RYR2: variants seen among roughly 807,000 people sequenced by gnomAD.
RYR2 encodes the protein ryanodine receptor 2, also known as cardiac muscle ryanodine receptor-calcium release channel.
Under a neutral mutation model 601.1 loss-of-function variants are expected in RYR2, and 227 were observed. The ratio of observed to expected loss-of-function variants is 0.38; its 90% confidence interval spans 0.34 to 0.42. The LOEUF is 0.42. RYR2 is among the 10% of genes least tolerant of loss of function. The probability of loss-of-function intolerance (pLI) is 1.00; values close to 1 mark genes in which losing one functional copy is unlikely to be tolerated. For missense variants in RYR2, 4,646 were observed against 6,156.5 expected (o/e 0.75, Z 8.21); for synonymous variants, 2,223 against 2,175.1 (o/e 1.02, Z -0.61).
intron 17 of RYR2, among the ~76,000 whole-genome samples, chr1:237,472,879 A>G (rs10754604): frequency 0.46 from 70,068 of 151,912 alleles, 17,982 homozygotes; most frequent in East Asian, 0.71. Flanking sequence ...TCTCTAGGAC[A>G]GGGAATTGCT....
chr1:237,745,862 A>G (rs1393580017), intron 80 of RYR2, among the ~76,000 whole-genome samples: 1 of 152,064 alleles, frequency 6.6e-6, no homozygotes, highest in Non-Finnish European at 1.5e-5. Context: ...CCACACATTT[A>G]TAGGTGTAAT....
chr1:237,571,145 C>T (rs12040785), intron 29 of RYR2, among the ~76,000 whole-genome samples: 2 of 152,038 alleles, frequency 1.3e-5, no homozygotes, highest in East Asian at 3.9e-4. Flanking sequence ...TAATAATAAC[C>T]TTATTTCAAA....
intron 35 of RYR2, among the ~76,000 whole-genome samples, chr1:237,609,304 C>CT (rs1045321628): frequency 6.8e-6 from 1 of 146,846 alleles, no homozygotes; most frequent in Non-Finnish European, 1.5e-5. Context: ...CTCTCTCTCT[C>CT]TTTTTTTCTT....
chr1:237,429,357 A>C (rs534851566), intron 12 of RYR2, among the ~76,000 whole-genome samples: 2 of 152,262 alleles, frequency 1.3e-5, no homozygotes, highest in African/African-American at 4.8e-5. Context: ...CTCTGCACCA[A>C]AACAACTGGC....
At chr1:237,382,382 TA>T (rs1487753149) in intron 8 of RYR2, among the ~76,000 whole-genome samples, 16 of 152,234 alleles carry the variant, frequency 1.1e-4, no homozygotes, top group African/African-American at 3.6e-4. Context: ...TTTTTATTGT[TA>T]TTTTTTATTA....
At chr1:237,712,898 C>A (rs1688960900) in intron 71 of RYR2, among the ~76,000 whole-genome samples, 1 of 152,100 alleles carries the variant, frequency 6.6e-6, no homozygotes, top group African/African-American at 2.4e-5. Context: ...GGCCAAAGAT[C>A]CAAAAATGAC....
intron 1 of RYR2, among the ~76,000 whole-genome samples, chr1:237,126,712 T>C (rs1332180705): frequency 1.3e-5 from 2 of 152,196 alleles, no homozygotes; most frequent in African/African-American, 2.4e-5. Flanking sequence ...GTCAGCTCCT[T>C]GAAGGATCTG....
intron 89 of RYR2, among the ~76,000 whole-genome samples, chr1:237,782,082 C>A (rs1212482113): frequency 6.6e-6 from 1 of 152,022 alleles, no homozygotes; most frequent in Non-Finnish European, 1.5e-5. Context: ...AAGCCTCTGT[C>A]CCCCAGGGCA....
At chr1:237,562,871 C>A (rs567281605) in intron 27 of RYR2, among the ~76,000 whole-genome samples, 71 of 152,134 alleles carry the variant, frequency 4.7e-4, no homozygotes, top group African/African-American at 1.7e-3. Context: ...ATATCCGGAG[C>A]CCGGAAGAGT....
At chr1:237,199,503 T>C (rs1680945782) in intron 1 of RYR2, among the ~76,000 whole-genome samples, 4 of 152,220 alleles carry the variant, frequency 2.6e-5, no homozygotes, top group Admixed American at 2.6e-4. Flanking sequence ...GTCTTGTCTT[T>C]CAGCCTTTTT....
At chr1:237,333,704 C>T in intron 3 of RYR2, 1 of 454,744 alleles carries the variant, frequency 2.2e-6, no homozygotes, top group East Asian at 7.0e-5. Context: ...ATCATCTTTT[C>T]TAGTGCCTTA....
chr1:237,466,794 G>A (rs867707051), intron 16 of RYR2, among the ~76,000 whole-genome samples: 9 of 151,724 alleles, frequency 5.9e-5, no homozygotes, highest in Non-Finnish European at 5.9e-5. Context: ...GTGTTAGGTA[G>A]TATTCTAATT....
intron 15 of RYR2, among the ~76,000 whole-genome samples, chr1:237,455,970 G>A (rs954490871): frequency 2.0e-5 from 3 of 152,148 alleles, no homozygotes; most frequent in South Asian, 2.1e-4. Flanking sequence ...AATCTGGATG[G>A]GGACTTGGAA....
intron 24 of RYR2, among the ~76,000 whole-genome samples, chr1:237,517,289 C>G (rs1190939619): frequency 6.6e-6 from 1 of 152,188 alleles, no homozygotes; most frequent in Non-Finnish European, 1.5e-5. Flanking sequence ...AGAATTTCCT[C>G]ACCACTTCCT....
At chr1:237,454,679 A>G (rs1658596347) in intron 15 of RYR2, 105 bp downstream of exon 15, 1 of 1,107,264 alleles carries the variant, frequency 9.0e-7, no homozygotes, top group Admixed American at 2.1e-5. Flanking sequence ...GCGTTTTGCA[A>G]TATAGAGGAG....
intron 2 of RYR2, among the ~76,000 whole-genome samples, chr1:237,305,342 A>G (rs2149468465): frequency 6.6e-6 from 1 of 152,334 alleles, no homozygotes; most frequent in East Asian, 1.9e-4. Context: ...AATCTCAAAA[A>G]TATAATATTG....
Position 237,454,441 on chromosome 1 carries a change from C to T in RYR2, c.1343C>T (p.Pro448Leu), listed in dbSNP as rs759603395. 18 of 1,613,416 alleles carry T rather than the reference C, an allele frequency of 1.1e-5. No individual in the cohort carries two copies. Among genetic ancestry groups the T allele is most frequent in the Non-Finnish European group, 1.4e-5 (17 of 1,179,652 alleles). ...GCGAAGGCTTCCACAGTCGATTTGC[C>T]TATAGAGTCCGTAAGCCTAAGTCTG... ...KKAKASTVDL[P>L]IESVSLSLQD... The change falls in exon 15 of 105, where the codon CCT (proline) becomes CTT (leucine). Residue 448 changes from proline to leucine, a missense_variant. Coordinates refer to ENST00000366574, the MANE Select transcript of RYR2 (RefSeq NM_001035.3).
At chr1:237,634,288 A>G (rs1205368892) in intron 43 of RYR2, among the ~76,000 whole-genome samples, 1 of 152,198 alleles carries the variant, frequency 6.6e-6, no homozygotes, top group Non-Finnish European at 1.5e-5. Context: ...CCTTAAAAAA[A>G]GAGGGAATCC....
At position 237,627,868 on chromosome 1, in the gene RYR2, A is replaced by C; in HGVS notation, c.6228A>C (p.Glu2076Asp). ...MVRWAQESVI[E>D]DPELVRAMFV... ...GATGGGCTCAGGAGTCTGTCATTGA[A>C]GACCCCGAGCTGGTGAGGGCCATGT... Residue 2076 changes from glutamate (E) to aspartate (D), a missense_variant, in exon 41 of 105, where the codon GAA becomes GAC. By Grantham distance (45) the Glu-to-Asp change is conservative. Transcript: ENST00000366574. 6.2e-7 allele frequency: 1 copy of C among 1,613,618 alleles called. No individual in the cohort carries two copies. The highest frequency in any genetic ancestry group is 8.5e-7 in the Non-Finnish European group (1 of 1,179,728).
Sources: allele counts gnomAD v4.1 joint callset (sites outside exome capture counted in the v4.1 genomes callset), GRCh38; gene constraint gnomAD v4.1.1; transcripts MANE v1.5; gene names NCBI Gene and HGNC (gene_info 2026-07-23, HGNC 2026-07-21).